The following FBXW11 variants were observed in gnomAD, a reference collection of about 807,000 sequenced individuals.
FBXW11 encodes F-box/WD repeat-containing protein 11.
Under a neutral mutation model 77.6 loss-of-function variants are expected in FBXW11, and 19 were observed. The observed-to-expected ratio is 0.24, with a 90% CI of 0.17 to 0.36. FBXW11 has a LOEUF of 0.36. Ranked by LOEUF, FBXW11 falls within the 10% of genes least tolerant of loss-of-function variation. The probability of loss-of-function intolerance (pLI) is 1.00; values close to 1 mark genes in which losing one functional copy is unlikely to be tolerated. For synonymous variants in FBXW11, 235 were observed against 249.4 expected, an observed-to-expected ratio of 0.94 and a Z score of 0.54; for missense variants, 334 against 704.2, an observed-to-expected ratio of 0.47 and a Z score of 5.95.
intron 4 of FBXW11, among the ~76,000 whole-genome samples, chr5:171,907,396 T>C (rs1348436166): frequency 6.6e-6 from 1 of 152,166 alleles, no homozygotes; most frequent in African/African-American, 2.4e-5. Context: ...CAAACTAGTA[T>C]AATGATTCAT....
intron 7 of FBXW11, among the ~76,000 whole-genome samples, chr5:171,882,290 CAT>C (rs1261112162): frequency 1.3e-5 from 2 of 152,164 alleles, no homozygotes; most frequent in Non-Finnish European, 2.9e-5. Flanking sequence ...CACATGCACA[CAT>C]GTGCACACAC....
chr5:171,951,780 A>C (rs189340837), intron 2 of FBXW11, among the ~76,000 whole-genome samples: 223 of 152,102 alleles, frequency 1.5e-3, no homozygotes, highest in Middle Eastern at 3.4e-3. Context: ...CTTTATTTTT[A>C]ATTTCTTGAA....
intron 3 of FBXW11, 46 bp from the exon 4 acceptor site, chr5:171,910,843 AC>A: frequency 1.5e-6 from 2 of 1,291,318 alleles, no homozygotes; most frequent in Non-Finnish European, 2.1e-6. Context: ...AAGGAAAGAA[AC>A]CTAATTAATA....
chr5:171,966,266 T>C (rs970404278), intron 1 of FBXW11, among the ~76,000 whole-genome samples: 2 of 152,142 alleles, frequency 1.3e-5, no homozygotes, highest in Admixed American at 1.3e-4. Flanking sequence ...AAATGCTCAG[T>C]GCTAGAAAAA....
intron 13 of FBXW11, among the ~76,000 whole-genome samples, chr5:171,866,270 GAAAAAAA>G (rs10706150): frequency 7.5e-6 from 1 of 133,302 alleles, no homozygotes; most frequent in Non-Finnish European, 1.7e-5. Flanking sequence ...GTCTCAAAGG[GAAAAAAA>G]AAAAAAAATT....
intron 1 of FBXW11, among the ~76,000 whole-genome samples, chr5:171,971,902 T>A (rs981638656): frequency 6.6e-6 from 1 of 152,028 alleles, no homozygotes. Context: ...GAAAATCACC[T>A]GAGCCTGGGA....
chr5:171,934,965 T>C (rs1224333790), intron 2 of FBXW11, among the ~76,000 whole-genome samples: 1 of 152,182 alleles, frequency 6.6e-6, no homozygotes, highest in Non-Finnish European at 1.5e-5. Context: ...GTTTGTTTTT[T>C]GTTTTGTTTT....
chr5:171,894,002 T>C (rs1445603834), intron 6 of FBXW11, among the ~76,000 whole-genome samples: 1 of 117,946 alleles, frequency 8.5e-6, no homozygotes, highest in Non-Finnish European at 1.7e-5. Context: ...GGAATCTCTA[T>C]ACCAAAAAGA....
At chr5:171,914,468 A>T in intron 2 of FBXW11, 63 bp from the exon 3 acceptor site, 1 of 1,411,214 alleles carries the variant, frequency 7.1e-7, no homozygotes, top group East Asian at 2.5e-5. Context: ...AATAACTACA[A>T]TAAATAATTT....
rs189524388 is a variant in FBXW11, at chr5:171,901,598, G to T, written c.437-1498C>A. Among the ~76,000 whole-genome samples, 187 of 152,272 alleles carry T rather than the reference G, an allele frequency of 1.2e-3. 1 individual carries two copies. The highest frequency in any genetic ancestry group is 2.4e-3 in the Non-Finnish European group (162 of 68,024). ...CTGGGACCACTGTCCTTTCCTGCAT[G>T]TCATTTACAGTTAATGTGGTCAAAG... is the stretch of plus-strand genomic sequence containing the variant. On this transcript the variant is annotated intron_variant, in intron 4 of 13. Transcript: ENST00000517395.
chr5:171,994,751 G>C lies in FBXW11; in HGVS notation c.45+11707C>G, dbSNP rs1396436207. The stretch of plus-strand genomic sequence containing the variant: ...ACCAGACTGTCCTGACTATCCTTCA[G>C]AAGACAAAGTGAAAAATGGCTCACA... On this transcript the variant is annotated intron_variant, in intron 1 of 13. Coordinates refer to ENST00000517395, the MANE Select transcript of FBXW11 (RefSeq NM_001378974.1). 3.9e-5 allele frequency among the ~76,000 whole-genome samples: 6 copies of C among 152,176 alleles called. No homozygotes were observed. In the East Asian group the frequency reaches 1.2e-3, roughly 29 times the overall value.
At chr5:171,926,380 A>T (rs1761891686) in intron 2 of FBXW11, among the ~76,000 whole-genome samples, 1 of 152,218 alleles carries the variant, frequency 6.6e-6, no homozygotes, top group Non-Finnish European at 1.5e-5. Flanking sequence ...GGGCTCTGAC[A>T]CAGTTTGCAT....
chr5:171,940,266 AT>A (rs1200184193), intron 2 of FBXW11, among the ~76,000 whole-genome samples: 3 of 152,226 alleles, frequency 2.0e-5, no homozygotes, highest in Non-Finnish European at 4.4e-5. Context: ...CTAGAATGAG[AT>A]CTGTGAGACT....
rs1761083257 is a variant in FBXW11, at chr5:171,914,288, G to A, written c.210+55C>T. ...TCCACTGAGGACATTAACTGAGGGAGCATCCTATCTACAGTAAGTCAGTTG... is the reference window on the plus strand; with the variant it reads ...TCCACTGAGGACATTAACTGAGGGAACATCCTATCTACAGTAAGTCAGTTG... On this transcript the variant is annotated intron_variant, in intron 3 of 13. Coordinates refer to ENST00000517395, the MANE Select transcript of FBXW11 (RefSeq NM_001378974.1). The A allele has an allele frequency of 7.0e-6, 10 of 1,429,596 alleles. No homozygotes were observed. In the Admixed American group the frequency reaches 1.8e-4, roughly 26 times the overall value. 88.6% of individuals were successfully genotyped at this position (1,429,596 alleles called of 1,614,324 possible).
intron 13 of FBXW11, among the ~76,000 whole-genome samples, chr5:171,865,368 G>C (rs1384892231): frequency 6.6e-6 from 1 of 151,768 alleles, no homozygotes; most frequent in East Asian, 1.9e-4. Flanking sequence ...AGATGATAAA[G>C]GGTTGGACAA....
At chr5:171,952,422 C>CATACATATATATATATATAT in intron 2 of FBXW11, among the ~76,000 whole-genome samples, 1 of 14,644 alleles carries the variant, frequency 6.8e-5, no homozygotes, top group Non-Finnish European at 1.3e-4. Context: ...TGTGTACATA[C>CATACATATATATATATATAT]ATATATATAT....
chr5:171,997,462 G>A (rs1766124994), intron 1 of FBXW11, among the ~76,000 whole-genome samples: 1 of 152,144 alleles, frequency 6.6e-6, no homozygotes. Context: ...GATACGAGAG[G>A]GCTCAAATAT....
At chr5:171,935,642 T>C (rs1762433795) in intron 2 of FBXW11, among the ~76,000 whole-genome samples, 1 of 152,064 alleles carries the variant, frequency 6.6e-6, no homozygotes, top group African/African-American at 2.4e-5. Flanking sequence ...AGAGCATTAA[T>C]TGGATTGGCA....
At chr5:171,969,623 C>G (rs1386036839) in intron 1 of FBXW11, among the ~76,000 whole-genome samples, 1 of 152,170 alleles carries the variant, frequency 6.6e-6, no homozygotes, top group Non-Finnish European at 1.5e-5. Context: ...AAAAAGATGG[C>G]TAAATTCCTA....
Sources: allele counts gnomAD v4.1 joint callset (sites outside exome capture counted in the v4.1 genomes callset), GRCh38; gene constraint gnomAD v4.1.1; transcripts MANE v1.5; gene names NCBI Gene and HGNC (gene_info 2026-07-23, HGNC 2026-07-21).